GPR39: variants seen among roughly 807,000 people sequenced by gnomAD.
GPR39 encodes the protein G protein-coupled receptor 39.
GPR39 carries 23 observed loss-of-function variants against 18.4 expected under a neutral mutation model. The observed-to-expected ratio is 1.25, with a 90% CI of 0.90 to 1.77. GPR39 has a LOEUF of 1.77. Ranked by LOEUF, GPR39 falls within the 40% of genes most tolerant of loss-of-function variation. The pLI, the probability that GPR39 is intolerant of heterozygous loss-of-function variation, is 0.00. For missense variants in GPR39, 647 were observed against 602.4 expected, an observed-to-expected ratio of 1.07 and a Z score of -0.78; for synonymous variants, 280 against 257.9, an observed-to-expected ratio of 1.09 and a Z score of -0.82.
intron 1 of GPR39, among the ~76,000 whole-genome samples, chr2:132,563,297 G>A (rs933595346): frequency 1.8e-4 from 28 of 152,286 alleles, no homozygotes; most frequent in African/African-American, 6.5e-4. Context: ...TCAAGTATGT[G>A]CTTCCCTTGA....
At chr2:132,464,307 A>C (rs149039240) in intron 1 of GPR39, among the ~76,000 whole-genome samples, 1 of 152,218 alleles carries the variant, frequency 6.6e-6, no homozygotes, top group Admixed American at 6.5e-5. Context: ...AAAGTTTAAC[A>C]TAGCAGCCTT....
chr2:132,624,784 GTA>G (rs1681511783), intron 1 of GPR39, among the ~76,000 whole-genome samples: 2 of 152,214 alleles, frequency 1.3e-5, no homozygotes, highest in Non-Finnish European at 2.9e-5. Flanking sequence ...TGTGTGCAGT[GTA>G]TAGTATGTCG....
chr2:132,423,997 C>T (rs1287820866), intron 1 of GPR39, among the ~76,000 whole-genome samples: 4 of 152,152 alleles, frequency 2.6e-5, no homozygotes, highest in Non-Finnish European at 5.9e-5. Context: ...TCTGGTTCAT[C>T]TGAACCAAAG....
intron 1 of GPR39, among the ~76,000 whole-genome samples, chr2:132,624,734 A>G (rs547167772): frequency 4.6e-5 from 7 of 152,310 alleles, no homozygotes; most frequent in Admixed American, 3.3e-4. Flanking sequence ...AGATTTGCTC[A>G]TGTTCTAGGG....
intron 1 of GPR39, among the ~76,000 whole-genome samples, chr2:132,557,642 T>C (rs1351182163): frequency 6.6e-6 from 1 of 151,510 alleles, no homozygotes; most frequent in Non-Finnish European, 1.5e-5. Context: ...GCAAGTAAGT[T>C]TATTAACCTG....
intron 1 of GPR39, among the ~76,000 whole-genome samples, chr2:132,552,607 T>C (rs1010956843): frequency 1.3e-5 from 2 of 152,088 alleles, no homozygotes; most frequent in African/African-American, 4.8e-5. Context: ...AGAGATTATT[T>C]AAAATATACA....
At chr2:132,504,508 A>G (rs1278713559) in intron 1 of GPR39, among the ~76,000 whole-genome samples, 31 of 152,154 alleles carry the variant, frequency 2.0e-4, no homozygotes, top group Admixed American at 2.0e-3. Context: ...CAGAGAGAAC[A>G]TATATCCTAG....
At chr2:132,571,520 A>T (rs1403748104) in intron 1 of GPR39, among the ~76,000 whole-genome samples, 1 of 152,244 alleles carries the variant, frequency 6.6e-6, no homozygotes, top group Admixed American at 6.5e-5. Flanking sequence ...CTCTGTAAAA[A>T]TAAGCAGGTA....
chr2:132,552,867 T>C (rs1008901890), intron 1 of GPR39, among the ~76,000 whole-genome samples: 1 of 142,734 alleles, frequency 7.0e-6, no homozygotes, highest in African/African-American at 2.6e-5. Flanking sequence ...TATATACATA[T>C]ATATACACAT....
intron 1 of GPR39, among the ~76,000 whole-genome samples, chr2:132,544,433 G>A (rs974161491): frequency 3.9e-5 from 6 of 152,166 alleles, no homozygotes; most frequent in African/African-American, 9.6e-5. Context: ...TGGATTGGGG[G>A]ATGTGGTGGT....
At chr2:132,628,705 A>G (rs937497469) in intron 1 of GPR39, among the ~76,000 whole-genome samples, 2 of 152,154 alleles carry the variant, frequency 1.3e-5, no homozygotes, top group Non-Finnish European at 2.9e-5. Context: ...CCTTACCCTA[A>G]TATAAACACC....
At chr2:132,423,514 G>A (rs1462774413) in intron 1 of GPR39, among the ~76,000 whole-genome samples, 2 of 152,188 alleles carry the variant, frequency 1.3e-5, no homozygotes, top group Non-Finnish European at 2.9e-5. Flanking sequence ...TCCCCTTCAA[G>A]TTCTTCAAGT....
chr2:132,567,864 T>C (rs1301170084), intron 1 of GPR39, among the ~76,000 whole-genome samples: 1 of 148,970 alleles, frequency 6.7e-6, no homozygotes, highest in Non-Finnish European at 1.5e-5. Flanking sequence ...GATCTGATGG[T>C]TTTAAAAAGG....
intron 1 of GPR39, among the ~76,000 whole-genome samples, chr2:132,525,827 C>A (rs1372612242): frequency 6.6e-6 from 1 of 152,132 alleles, no homozygotes; most frequent in East Asian, 1.9e-4. Flanking sequence ...TTATTCATTG[C>A]CTGAGCAGCA....
intron 1 of GPR39, among the ~76,000 whole-genome samples, chr2:132,442,395 T>TG (rs1038169801): frequency 3.1e-4 from 47 of 151,986 alleles, no homozygotes; most frequent in African/African-American, 1.1e-3. Flanking sequence ...TGGCTGGGCG[T>TG]GGGGGTGGAG....
At chr2:132,531,477 T>C (rs1337815848) in intron 1 of GPR39, among the ~76,000 whole-genome samples, 1 of 152,184 alleles carries the variant, frequency 6.6e-6, no homozygotes, top group South Asian at 2.1e-4. Flanking sequence ...TATCCAGGAA[T>C]TGAACTCAGC....
intron 1 of GPR39, among the ~76,000 whole-genome samples, chr2:132,438,573 C>CTTT (rs35614907): frequency 1.3e-4 from 13 of 97,758 alleles, no homozygotes; most frequent in South Asian, 3.6e-4. Flanking sequence ...TGTCAGCAAG[C>CTTT]TTTTTTTTTT....
chr2:132,418,314 T>C lies in GPR39; in HGVS notation c.856+416T>C, dbSNP rs13393095. On this transcript the variant is annotated intron_variant, in intron 1 of 1. Transcript: ENST00000329321. ...TGCAGAGATACAGGGAACCGTCTTA[T>C]CTAGCTCTTTTACCCGGGGAAGACT... Among the ~76,000 whole-genome samples, 629 of 152,348 alleles carry C rather than the reference T, an allele frequency of 4.1e-3. 2 individuals are homozygous for C. Among genetic ancestry groups the C allele is most frequent in the African/African-American group, 0.014 (578 of 41,578 alleles).
intron 1 of GPR39, among the ~76,000 whole-genome samples, chr2:132,547,282 A>T (rs1679966804): frequency 6.6e-6 from 1 of 152,226 alleles, no homozygotes. Context: ...GGTTCCATAC[A>T]TCCAGCAGGG....
Sources: gnomAD v4.1 joint callset for allele counts (sites outside exome capture counted in the v4.1 genomes callset) on GRCh38, gnomAD v4.1.1 for gene constraint, MANE v1.5 for transcripts, NCBI Gene and HGNC (gene_info 2026-07-23, HGNC 2026-07-21) for gene names.